DONSON: variants seen among roughly 807,000 people sequenced by gnomAD.
The protein encoded by DONSON is protein downstream neighbor of Son.
A neutral mutation model predicts 62.1 loss-of-function variants in DONSON; 43 were observed. The observed-to-expected ratio is 0.69, with a 90% CI of 0.54 to 0.89. The LOEUF is 0.89. Among genes scored for constraint, DONSON ranks in the 40% least tolerant of loss-of-function variants. The pLI is 0.00. For missense variants in DONSON, 696 were observed against 697.5 expected, an observed-to-expected ratio of 1.00 and a Z score of 0.03; for synonymous variants, 266 against 264.6, an observed-to-expected ratio of 1.01 and a Z score of -0.05.
In DONSON at chr21:33,587,290, T is replaced by G. The variant is rs2086588381; in HGVS notation, c.402+232A>C. The G allele has an allele frequency of 6.6e-6, 6 of 903,498 alleles. No individual in the cohort carries two copies. The South Asian group carries it at 2.6e-4, about 38-fold the overall frequency. The allele number at this position is 903,498 out of a possible 1,614,324, so 56.0% of individuals were successfully genotyped here. ...AGAAAACCCCCACGTCTATCAGGCC[T>G]ATTTTAGCGCTGGCTATCTTTACAG... On this transcript the variant is annotated intron_variant, in intron 2 of 9. Transcript: ENST00000303071.
intron 2 of DONSON, among the ~76,000 whole-genome samples, chr21:33,586,631 A>C: frequency 6.6e-6 from 1 of 152,038 alleles, no homozygotes; most frequent in Non-Finnish European, 1.5e-5. Flanking sequence ...CCACAATACA[A>C]GAATTTTTTT....
rs1031413696 is a variant in DONSON at position 33,580,905 on chromosome 21, G to GA, written c.1350+396dup. Among the ~76,000 whole-genome samples, 496 of 139,802 alleles carry GA rather than the reference G, an allele frequency of 3.5e-3. 2 individuals are homozygous for GA. Among genetic ancestry groups the GA allele is most frequent in the Middle Eastern group, 0.021 (6 of 280 alleles). 91.7% of individuals were successfully genotyped at this position (139,802 alleles called of 152,430 possible). ...AAAACAAACAAACAAAAACAAACAA[G>GA]AAAAAAAAAAACAAAAAAAATAGCT... On this transcript the variant is annotated intron_variant, in intron 8 of 9. Coordinates refer to ENST00000303071, the MANE Select transcript of DONSON (RefSeq NM_017613.4).
intron 4 of DONSON, among the ~76,000 whole-genome samples, chr21:33,584,157 G>A (rs2086551637): frequency 6.7e-6 from 1 of 149,778 alleles, no homozygotes; most frequent in Non-Finnish European, 1.5e-5. Flanking sequence ...CCATTCTCCT[G>A]CCTCAGCCTC....
intron 7 of DONSON, 83 bp from the exon 8 acceptor site, chr21:33,581,583 A>T: frequency 8.9e-7 from 1 of 1,120,544 alleles, no homozygotes; most frequent in Non-Finnish European, 1.3e-6. Context: ...ATCACCTGAG[A>T]CTCCTTTTCT....
In DONSON at chr21:33,578,371, A is replaced by G. The variant is rs1186162455; in HGVS notation, c.1637T>C (p.Leu546Ser). 1.9e-6 allele frequency: 3 copies of G among 1,613,974 alleles called. No individual in the cohort carries two copies. The highest frequency in any genetic ancestry group is 1.7e-5 in the Admixed American group (1 of 60,002). Residue 546 changes from leucine to serine, a missense_variant, in exon 10 of 10, where the codon TTA (leucine) becomes TCA (serine). By Grantham distance (145) the Leu-to-Ser change is moderately radical. Coordinates refer to ENST00000303071, the MANE Select transcript of DONSON (RefSeq NM_017613.4). Reference sequence around the variant, plus strand: ...ATTCCGTAAAGATGATTTCCCAAGTAACGGTATTTGACTAAGTTGCTCCAG... The same window carrying G: ...ATTCCGTAAAGATGATTTCCCAAGTGACGGTATTTGACTAAGTTGCTCCAG... Reference protein sequence around the residue: ...NTLEQLSQIPLLGKSSLRNVV... With the variant: ...NTLEQLSQIPSLGKSSLRNVV...
chr21:33,586,321 C>A (rs753360310), intron 2 of DONSON, 140 bp from the exon 3 acceptor site: 1 of 739,126 alleles, frequency 1.4e-6, no homozygotes, highest in Non-Finnish European at 2.2e-6. Context: ...ATACATTACA[C>A]ACTGTAAAAA....
chr21:33,583,488 C>A lies in DONSON; in HGVS notation c.964G>T (p.Gly322Cys). ...TCTCACTTTAAACCTAAACTTTTAC[C>A]TTCATTTCTCATAGCTTCTCTTAAA... ...RGLREAMRNE[G>C]IEFSLPLIKE... Residue 322 changes from glycine to cysteine, a missense_variant and splice_region_variant, in exon 5 of 10, where the codon GGT (glycine) becomes TGT (cysteine). Gly to Cys is a radical substitution (Grantham distance 159). Transcript: ENST00000303071. 1 of 1,612,876 alleles carries A rather than the reference C, an allele frequency of 6.2e-7. No homozygotes were observed. The highest frequency in any genetic ancestry group is 1.3e-5 in the African/African-American group (1 of 74,878).
rs765157763 is a variant in DONSON at position 33,579,323 on chromosome 21, A to G, written c.1563+27T>C. ...CTAGTTTGAGGAAACTACAACTAAA[A>G]CAGTCTGCTCATAGGTGTCTACTTA... On this transcript the variant is annotated intron_variant, in intron 9 of 9. Coordinates refer to ENST00000303071, the MANE Select transcript of DONSON (RefSeq NM_017613.4). 3.4e-6 allele frequency: 5 copies of G among 1,479,238 alleles called. No individual in the cohort carries two copies. In the Admixed American group the frequency reaches 1.0e-4, roughly 30 times the overall value. 91.6% of individuals were successfully genotyped at this position (1,479,238 alleles called of 1,614,324 possible).
Position 33,578,119 on chromosome 21 carries a change from G to C in DONSON, c.*188C>G. On this transcript the variant is annotated 3_prime_UTR_variant, in exon 10 of 10. Transcript: ENST00000303071. ...TATAGATATCTCATTTGAGTTATCT[G>C]AGTTTTTCATCTTTATATCTAAAAA... 1.7e-6 allele frequency: 1 copy of C among 576,148 alleles called. No individual in the cohort carries two copies. Among genetic ancestry groups the C allele is most frequent in the East Asian group, 3.1e-5 (1 of 32,486 alleles). 35.7% of individuals were successfully genotyped at this position (576,148 alleles called of 1,614,324 possible). A position where few individuals can be genotyped will look rare whatever the true frequency, so the allele number is the denominator to read the frequency against.
rs1354181982 is a variant in DONSON at position 33,588,600 on chromosome 21, C to CT, written c.41dup (p.Pro15AlafsTer24). On this transcript the variant is annotated frameshift_variant, in exon 1 of 10. Coordinates refer to ENST00000303071, the MANE Select transcript of DONSON (RefSeq NM_017613.4). LOFTEE classifies it high-confidence loss of function. ...GTCGGAGCCGCACTACCTCGGGCGG[C>CT]TTTCGGAAGCCCGGTGAGTAGCCGG... is the stretch of plus-strand genomic sequence containing the variant. The CT allele has an allele frequency of 7.2e-6, 9 of 1,249,468 alleles. No individual in the cohort carries two copies. Among genetic ancestry groups the CT allele is most frequent in the Non-Finnish European group, 9.0e-6 (9 of 995,736 alleles). The allele number at this position is 1,249,468 out of a possible 1,614,324, so 77.4% of individuals were successfully genotyped here.
At chr21:33,584,108 G>C in intron 4 of DONSON, among the ~76,000 whole-genome samples, 1 of 146,740 alleles carries the variant, frequency 6.8e-6, no homozygotes, top group East Asian at 2.0e-4. Flanking sequence ...GCAGTGGCGC[G>C]ATCTCGGCTC....
At chr21:33,582,133 G>A (rs367663372) in intron 6 of DONSON, 32 bp downstream of exon 6, 608 of 1,611,848 alleles carry the variant, frequency 3.8e-4, no homozygotes, top group Non-Finnish European at 4.7e-4. Flanking sequence ...CCATAAGTCA[G>A]TGGATGATAT....
At chr21:33,581,557 G>C in intron 7 of DONSON, 57 bp from the exon 8 acceptor site, 3 of 1,463,406 alleles carry the variant, frequency 2.1e-6, no homozygotes, top group Admixed American at 3.7e-5. Flanking sequence ...GTGGAAAGCA[G>C]TTATCTTGAT....
chr21:33,584,675 G>T lies in DONSON; in HGVS notation c.700C>A (p.Arg234Ser). The T allele has an allele frequency of 6.2e-7, 1 of 1,613,202 alleles. No homozygotes were observed. Among genetic ancestry groups the T allele is most frequent in the Non-Finnish European group, 8.5e-7 (1 of 1,179,388 alleles). Reference sequence around the variant, plus strand: ...GCCATTTTTCTATCAGCTCCAATACGAGGGAACAGTGGTAGCCAAGACAAA... The same window carrying T: ...GCCATTTTTCTATCAGCTCCAATACTAGGGAACAGTGGTAGCCAAGACAAA... ...PALSWLPLFP[R>S]IGADRKMAGK... Residue 234 changes from arginine to serine, a missense_variant, in exon 4 of 10, where the codon CGT becomes AGT. Coordinates refer to ENST00000303071, the MANE Select transcript of DONSON (RefSeq NM_017613.4).
At chr21:33,580,444 T>TGA (rs1569074761) in intron 8 of DONSON, among the ~76,000 whole-genome samples, 1 of 78,700 alleles carries the variant, frequency 1.3e-5, no homozygotes, top group Non-Finnish European at 2.3e-5. Context: ...CACGCCTGGG[T>TGA]GAGAGTGAGA....
At chr21:33,587,910 CGTGA>C (rs982179870) in intron 1 of DONSON, among the ~76,000 whole-genome samples, 2 of 152,198 alleles carry the variant, frequency 1.3e-5, no homozygotes, top group Admixed American at 6.5e-5. Flanking sequence ...ATTTGGAGTG[CGTGA>C]GAGAAGGGAG....
chr21:33,580,532 T>C (rs1414800740), intron 8 of DONSON, among the ~76,000 whole-genome samples: 5 of 113,860 alleles, frequency 4.4e-5, no homozygotes, highest in Non-Finnish European at 8.3e-5. Flanking sequence ...TGTGGTCCGA[T>C]ACTCGAGAGG....
At position 33,588,332 on chromosome 21, in the gene DONSON, C is replaced by A. The variant is rs2145909881; in HGVS notation, c.310G>T (p.Ala104Ser). The A allele has an allele frequency of 7.7e-7, 1 of 1,293,646 alleles. No individual in the cohort carries two copies. The highest frequency in any genetic ancestry group is 9.8e-7 in the Non-Finnish European group (1 of 1,025,062). The allele number at this position is 1,293,646 out of a possible 1,614,324, so 80.1% of individuals were successfully genotyped here. A position where few individuals can be genotyped will look rare whatever the true frequency, so the allele number is the denominator to read the frequency against. ...PDGPAREQPE[A>S]PVPFLDSNQE... ...TACAAGACACTCACCGGGACCGGGG[C>A]CTCCGGCTGCTCGCGGGCCGGCCCG... is the stretch of plus-strand genomic sequence containing the variant. Residue 104 changes from alanine (A) to serine (S), a missense_variant, in exon 1 of 10, where the codon GCC (alanine) becomes TCC (serine). By Grantham distance (99) the Ala-to-Ser change is moderately conservative (BLOSUM62 1). Transcript: ENST00000303071.
At chr21:33,587,741 G>GA in intron 1 of DONSON, 139 bp from the exon 2 acceptor site, 2 of 571,458 alleles carry the variant, frequency 3.5e-6, no homozygotes, top group Non-Finnish European at 6.2e-6. Context: ...TCCAATCTAT[G>GA]AGTTTCAACA....
Sources: allele counts gnomAD v4.1 joint callset (sites outside exome capture counted in the v4.1 genomes callset), GRCh38; gene constraint gnomAD v4.1.1; transcripts MANE v1.5; gene names NCBI Gene and HGNC (gene_info 2026-07-23, HGNC 2026-07-21).